Variants in PARM1 observed in about 807,000 individuals in gnomAD.
PARM1 encodes WSC4, cell wall integrity and stress response component 4 homolog.
In PARM1, 14 loss-of-function variants were observed where a neutral mutation model predicts 24.6. That is an observed-to-expected ratio of 0.57 (90% CI 0.38 to 0.89). PARM1 has a LOEUF of 0.89. PARM1 is among the 40% of genes least tolerant of loss of function. The probability of loss-of-function intolerance (pLI) is 0.00; values close to 1 mark genes in which losing one functional copy is unlikely to be tolerated. For missense variants in PARM1, 362 were observed against 380.4 expected (o/e 0.95, Z 0.40); for synonymous variants, 179 against 156.6 (o/e 1.14, Z -1.07).
intron 1 of PARM1, among the ~76,000 whole-genome samples, chr4:75,002,432 T>C (rs1722697957): frequency 6.6e-6 from 1 of 152,102 alleles, no homozygotes; most frequent in African/African-American, 2.4e-5. Context: ...TCAAAGACTT[T>C]TTATCTTTTT....
At chr4:75,029,696 C>T (rs1054705061) in intron 2 of PARM1, among the ~76,000 whole-genome samples, 3 of 152,084 alleles carry the variant, frequency 2.0e-5, no homozygotes, top group Non-Finnish European at 4.4e-5. Flanking sequence ...CTCCAACTAA[C>T]CACCTTGGTC....
intron 1 of PARM1, among the ~76,000 whole-genome samples, chr4:74,951,235 T>C (rs916887523): frequency 2.6e-5 from 4 of 152,204 alleles, no homozygotes; most frequent in Non-Finnish European, 4.4e-5. Flanking sequence ...ACTTCTCCTC[T>C]GCCAGGTTCA....
chr4:75,017,170 G>C (rs757496222), intron 2 of PARM1, among the ~76,000 whole-genome samples: 6 of 152,070 alleles, frequency 3.9e-5, no homozygotes, highest in Admixed American at 1.3e-4. Context: ...TCCTGCAACT[G>C]ATCTCACTAT....
chr4:75,039,320 A>G (rs1578060973), intron 3 of PARM1, among the ~76,000 whole-genome samples: 1 of 152,138 alleles, frequency 6.6e-6, no homozygotes, highest in East Asian at 1.9e-4. Context: ...TCATGAGGTC[A>G]GGAGATCGAG....
intron 2 of PARM1, among the ~76,000 whole-genome samples, chr4:75,030,012 G>A (rs1248268333): frequency 6.6e-6 from 1 of 152,176 alleles, no homozygotes; most frequent in African/African-American, 2.4e-5. Flanking sequence ...GAAATGGGAA[G>A]AGATGCAAGA....
chr4:75,007,826 ACTCT>A (rs1262899509), intron 1 of PARM1, among the ~76,000 whole-genome samples: 1 of 151,994 alleles, frequency 6.6e-6, no homozygotes, highest in Non-Finnish European at 1.5e-5. Flanking sequence ...TAAAGAACTT[ACTCT>A]CTGTCTTCAC....
rs930522836 is a variant in PARM1 at position 75,047,690 on chromosome 4, G to C, written c.*1443G>C. On this transcript the variant is annotated 3_prime_UTR_variant, in exon 4 of 4. Transcript: ENST00000307428. ...CACCCCAAAATATCAGTAGTGCCGAGATTGAGAAACCCTGATTTATCACAA... is the reference window on the plus strand; with the variant it reads ...CACCCCAAAATATCAGTAGTGCCGACATTGAGAAACCCTGATTTATCACAA... 4 of 152,222 alleles carry C rather than the reference G, an allele frequency of 2.6e-5. No homozygotes were observed. The highest frequency in any genetic ancestry group is 5.9e-5 in the Non-Finnish European group (4 of 68,042). 9.4% of individuals were successfully genotyped at this position (152,222 alleles called of 1,614,324 possible).
chr4:74,984,294 G>T (rs1722310887), intron 1 of PARM1, among the ~76,000 whole-genome samples: 1 of 152,184 alleles, frequency 6.6e-6, no homozygotes, highest in African/African-American at 2.4e-5. Context: ...TCACTAAATG[G>T]TAACTTAATG....
At chr4:75,040,678 C>T (rs768932818) in intron 3 of PARM1, among the ~76,000 whole-genome samples, 50 of 152,212 alleles carry the variant, frequency 3.3e-4, no homozygotes, top group Admixed American at 5.9e-4. Context: ...TATGTATCAA[C>T]ATTAGTGGAA....
intron 1 of PARM1, among the ~76,000 whole-genome samples, chr4:75,004,662 T>G (rs1475542073): frequency 6.6e-6 from 1 of 152,096 alleles, no homozygotes; most frequent in African/African-American, 2.4e-5. Context: ...AGCTCAGGTT[T>G]TATCCCAAAG....
intron 1 of PARM1, among the ~76,000 whole-genome samples, chr4:74,934,084 G>GA (rs1721125784): frequency 6.6e-6 from 1 of 151,914 alleles, no homozygotes; most frequent in Non-Finnish European, 1.5e-5. Context: ...AGGCTTCGTA[G>GA]GAGCCACTCT....
intron 1 of PARM1, among the ~76,000 whole-genome samples, 186 bp downstream of exon 1, chr4:74,933,556 G>C (rs1222262210): frequency 6.6e-6 from 1 of 152,184 alleles, no homozygotes; most frequent in African/African-American, 2.4e-5. Context: ...CGTACTGAGG[G>C]AGGGGACGAT....
intron 2 of PARM1, among the ~76,000 whole-genome samples, chr4:75,022,629 A>G (rs1307377943): frequency 1.3e-5 from 2 of 152,198 alleles, no homozygotes; most frequent in South Asian, 2.1e-4. Context: ...ATATGATGAA[A>G]GTGGCTGTGG....
chr4:74,944,980 A>G (rs1338815029), intron 1 of PARM1, among the ~76,000 whole-genome samples: 3 of 152,236 alleles, frequency 2.0e-5, no homozygotes, highest in Non-Finnish European at 2.9e-5. Flanking sequence ...GTTAGAAACA[A>G]TGTAAATGTC....
chr4:74,936,461 GT>G (rs149444141), intron 1 of PARM1, among the ~76,000 whole-genome samples: 1 of 114,414 alleles, frequency 8.7e-6, no homozygotes, highest in African/African-American at 2.9e-5. Flanking sequence ...TTGTTTTTTT[GT>G]TTTTTTTTTG....
rs1041052257 is a variant in PARM1, at chr4:75,046,481, G to C, written c.*234G>C. 2 of 435,268 alleles carry C rather than the reference G, an allele frequency of 4.6e-6. No individual in the cohort carries two copies. The highest frequency in any genetic ancestry group is 4.7e-5 in the East Asian group (1 of 21,290). The allele number at this position is 435,268 out of a possible 1,614,324, so 27.0% of individuals were successfully genotyped here. On this transcript the variant is annotated 3_prime_UTR_variant, in exon 4 of 4. Transcript: ENST00000307428. ...GCTGATTTGCAGCTGAAGTGGGCCA[G>C]CCTTGCACCAGCCAGGCCAGACCAC...
At chr4:75,010,971 T>C (rs1197885594) in intron 1 of PARM1, among the ~76,000 whole-genome samples, 1 of 152,180 alleles carries the variant, frequency 6.6e-6, no homozygotes, top group Non-Finnish European at 1.5e-5. Context: ...GATGCCCTCA[T>C]GGAGCTTTAC....
chr4:75,014,988 T>C (rs1208019388), intron 2 of PARM1, among the ~76,000 whole-genome samples: 7 of 152,192 alleles, frequency 4.6e-5, no homozygotes. Flanking sequence ...AAAGGGATCA[T>C]CAAAATACAG....
At chr4:75,022,447 A>G (rs28662781) in intron 2 of PARM1, among the ~76,000 whole-genome samples, 4,579 of 152,340 alleles carry the variant, frequency 0.03, 240 homozygotes, top group African/African-American at 0.1. Context: ...TGAGATATAC[A>G]TGTCAAGGTA....
Sources: allele counts gnomAD v4.1 joint callset (sites outside exome capture counted in the v4.1 genomes callset), GRCh38; gene constraint gnomAD v4.1.1; transcripts MANE v1.5; gene names NCBI Gene and HGNC (gene_info 2026-07-23, HGNC 2026-07-21).